Variants in GNAO1 observed in about 807,000 individuals in gnomAD.
GNAO1 encodes the protein G protein subunit alpha o1, also known as guanine nucleotide-binding protein G(o) subunit alpha.
For missense variants in GNAO1, 166 were observed against 478.7 expected (o/e 0.35, Z 6.10); for synonymous variants, 164 against 180.7 (o/e 0.91, Z 0.74).
At chr16:56,194,444 C>T in intron 2 of GNAO1, 1 of 356,926 alleles carries the variant, frequency 2.8e-6, no homozygotes, top group South Asian at 2.1e-5. Context: ...GTAGAAGCCC[C>T]AGCCACCTGA....
At chr16:56,197,813 T>G (rs1314689328) in intron 2 of GNAO1, among the ~76,000 whole-genome samples, 1 of 152,186 alleles carries the variant, frequency 6.6e-6, no homozygotes, top group Admixed American at 6.5e-5. Context: ...TCACTCATGT[T>G]TTTCAGCTGC....
chr16:56,257,700 CT>C (rs2036865335), intron 2 of GNAO1, among the ~76,000 whole-genome samples: 1 of 152,242 alleles, frequency 6.6e-6, no homozygotes, highest in Non-Finnish European at 1.5e-5. Flanking sequence ...AAAAAAAAAT[CT>C]TCCATTAGTT....
At chr16:56,330,220 A>G (rs1334946422) in intron 4 of GNAO1, among the ~76,000 whole-genome samples, 1 of 152,212 alleles carries the variant, frequency 6.6e-6, no homozygotes, top group Non-Finnish European at 1.5e-5. Context: ...CAGTGAGCCC[A>G]GAAGCTCAGT....
At chr16:56,307,473 A>G (rs1216495168) in intron 3 of GNAO1, 10 of 152,178 alleles carry the variant, frequency 6.6e-5, no homozygotes, top group African/African-American at 2.4e-4. Flanking sequence ...TACTCATTCT[A>G]CTGACATAGA....
At chr16:56,322,951 C>T (rs1306307914) in intron 3 of GNAO1, among the ~76,000 whole-genome samples, 1 of 152,132 alleles carries the variant, frequency 6.6e-6, no homozygotes, top group Non-Finnish European at 1.5e-5. Context: ...GCCCAGGTAC[C>T]ATGAGAAATC....
rs779629247 is a variant in GNAO1, at chr16:56,328,236, G to A, written c.304-395G>A. Among the ~76,000 whole-genome samples the A allele has an allele frequency of 3.7e-4, 56 of 152,330 alleles. 1 individual carries two copies. Among genetic ancestry groups the A allele is most frequent in the Non-Finnish European group, 3.5e-4 (24 of 68,034 alleles). ...TTTTTCTCCCCCGAACAAAATAACC[G>A]AGTTTTCAGGATGAAAGCAGAGCTG... On this transcript the variant is annotated intron_variant, in intron 3 of 8. Transcript: ENST00000262493.
chr16:56,230,141 A>G (rs1412373451), intron 2 of GNAO1, among the ~76,000 whole-genome samples: 4 of 152,010 alleles, frequency 2.6e-5, no homozygotes, highest in African/African-American at 9.7e-5. Context: ...AAAAATGTCA[A>G]TGAAAGCTGC....
intron 6 of GNAO1, chr16:56,346,391 C>T (rs2143690455): frequency 2.0e-6 from 2 of 985,424 alleles, no homozygotes; most frequent in Non-Finnish European, 2.4e-6. Flanking sequence ...TCCGATGGCT[C>T]GGATTTAGCA....
chr16:56,265,221 T>C (rs2143494106), intron 2 of GNAO1, among the ~76,000 whole-genome samples: 1 of 152,328 alleles, frequency 6.6e-6, no homozygotes, highest in South Asian at 2.1e-4. Flanking sequence ...CCCATTCAGA[T>C]GATGAGACTA....
chr16:56,267,825 G>T (rs1331809186), intron 2 of GNAO1, among the ~76,000 whole-genome samples: 1 of 152,170 alleles, frequency 6.6e-6, no homozygotes, highest in East Asian at 1.9e-4. Flanking sequence ...TAGTAGGTAT[G>T]CAAATAATAT....
intron 2 of GNAO1, among the ~76,000 whole-genome samples, chr16:56,196,957 G>A (rs2036238717): frequency 6.6e-6 from 1 of 152,200 alleles, no homozygotes; most frequent in African/African-American, 2.4e-5. Flanking sequence ...TCACCAAAAA[G>A]CTGATGGCTT....
intron 3 of GNAO1, among the ~76,000 whole-genome samples, chr16:56,324,637 G>T (rs1032573744): frequency 5.0e-4 from 76 of 152,344 alleles, no homozygotes; most frequent in African/African-American, 1.8e-3. Context: ...ATCCCTGCCT[G>T]CCTGGGGCAC....
chr16:56,248,217 T>C (rs2036767043), intron 2 of GNAO1, among the ~76,000 whole-genome samples: 1 of 152,204 alleles, frequency 6.6e-6, no homozygotes, highest in African/African-American at 2.4e-5. Context: ...ATGCAAAAAC[T>C]TTCACCACTC....
At chr16:56,195,822 A>G (rs1225373809) in intron 2 of GNAO1, among the ~76,000 whole-genome samples, 9 of 152,212 alleles carry the variant, frequency 5.9e-5, no homozygotes, top group African/African-American at 1.9e-4. Context: ...AAGAGCAAAG[A>G]GTCATTCCAT....
At position 56,339,382 on chromosome 16, in the gene GNAO1, A is replaced by G. The variant is rs568326573; in HGVS notation, c.723+2522A>G. On this transcript the variant is annotated intron_variant, in intron 6 of 8. Transcript: ENST00000262493. ...TGCCTGTACACAGGAATCATCACTC[A>G]GTGAATAGCTCCTGTGGCTACAACA... Among the ~76,000 whole-genome samples the G allele has an allele frequency of 9.8e-5, 15 of 152,374 alleles. 1 individual carries two copies. In the South Asian group the frequency reaches 3.1e-3, roughly 32 times the overall value.
chr16:56,355,125 TACACACACACACACAC>T (rs59437828), intron 8 of GNAO1, 44 bp downstream of exon 8: 2 of 556,332 alleles, frequency 3.6e-6, no homozygotes, highest in African/African-American at 2.1e-5. Context: ...TGCGCGCGCA[TACACACACACACACAC>T]ACACACACAC....
chr16:56,349,034 ACAGATGCCAGG>A (rs1434675630), intron 6 of GNAO1, among the ~76,000 whole-genome samples: 1 of 152,176 alleles, frequency 6.6e-6, no homozygotes, highest in Non-Finnish European at 1.5e-5. Flanking sequence ...AGCCCTGCAC[ACAGATGCCAGG>A]CAGTACTGAC....
rs191744551 is a variant in GNAO1 at position 56,303,747 on chromosome 16, G to A, written c.304-24884G>A. ...TCATTGACCCCCAGCTCTTGTCCCC[G>A]GCAGTCACTGTATTTCATTCATGGC... is the stretch of plus-strand genomic sequence containing the variant. On this transcript the variant is annotated intron_variant, in intron 3 of 8. Coordinates refer to ENST00000262493, the MANE Select transcript of GNAO1 (RefSeq NM_020988.3). Among the ~76,000 whole-genome samples, 507 of 152,164 alleles carry A rather than the reference G, an allele frequency of 3.3e-3. 1 individual carries two copies. Among genetic ancestry groups the A allele is most frequent in the South Asian group, 0.012 (60 of 4,812 alleles).
chr16:56,268,215 G>A (rs574367820), intron 2 of GNAO1, among the ~76,000 whole-genome samples: 10 of 152,346 alleles, frequency 6.6e-5, no homozygotes, highest in Non-Finnish European at 1.2e-4. Flanking sequence ...GCCAGTCTTC[G>A]TGGCAAAGGA....
Sources: gnomAD v4.1 joint callset for allele counts (sites outside exome capture counted in the v4.1 genomes callset) on GRCh38, gnomAD v4.1.1 for gene constraint, MANE v1.5 for transcripts, NCBI Gene and HGNC (gene_info 2026-07-23, HGNC 2026-07-21) for gene names.